NCAPG2: variants seen among roughly 807,000 people sequenced by gnomAD.
NCAPG2 encodes condensin-2 complex subunit G2.
A neutral mutation model predicts 141.1 loss-of-function variants in NCAPG2; 53 were observed. The observed-to-expected ratio is 0.38, with a 90% CI of 0.30 to 0.47. The LOEUF (loss-of-function observed/expected upper bound fraction) is 0.47. Ranked by LOEUF, NCAPG2 falls within the 20% of genes least tolerant of loss-of-function variation. NCAPG2 has a pLI of 0.99. For missense variants in NCAPG2, 1,087 were observed against 1,389.0 expected, an observed-to-expected ratio of 0.78 and a Z score of 3.46; for synonymous variants, 499 against 490.7, an observed-to-expected ratio of 1.02 and a Z score of -0.22.
chr7:158,695,979 G>T (rs1484953384), intron 2 of NCAPG2, among the ~76,000 whole-genome samples: 1 of 152,268 alleles, frequency 6.6e-6, no homozygotes, highest in Non-Finnish European at 1.5e-5. Context: ...CCAGCAAGGT[G>T]CCTTTTTGTA....
chr7:158,671,389 A>G, intron 13 of NCAPG2, 125 bp downstream of exon 13: 4 of 1,169,554 alleles, frequency 3.4e-6, no homozygotes, highest in Non-Finnish European at 4.9e-6. Context: ...CATTTTTGAC[A>G]GAGATAACTG....
At chr7:158,634,998 T>C (rs973116454) in intron 27 of NCAPG2, among the ~76,000 whole-genome samples, 8 of 152,180 alleles carry the variant, frequency 5.3e-5, no homozygotes, top group African/African-American at 1.9e-4. Context: ...GTCTGTAAAA[T>C]GTGTCAAACA....
In NCAPG2 at chr7:158,690,691, T is replaced by C; in HGVS notation, c.414A>G (p.Arg138=). The change falls in exon 5 of 28, where the codon CGA becomes CGG. Residue 138 remains arginine (R), a synonymous_variant. Transcript: ENST00000356309. ...AATCCTGAATAGAACTCTGTAGTTT[T>C]CGTTCAGACTCAGGTAATGCATATA... ...GILYALPESE[R]KLQSSIQDLC... 1.2e-6 allele frequency: 2 copies of C among 1,614,158 alleles called. No individual in the cohort carries two copies. Among genetic ancestry groups the C allele is most frequent in the Non-Finnish European group, 1.7e-6 (2 of 1,179,984 alleles).
intron 15 of NCAPG2, 116 bp downstream of exon 15, chr7:158,664,068 G>A (rs1316841005): frequency 1.2e-6 from 1 of 809,556 alleles, no homozygotes; most frequent in Non-Finnish European, 2.0e-6. Context: ...AAAATAACTT[G>A]TTTAATTAAC....
At chr7:158,694,308 A>T (rs1835306622) in intron 2 of NCAPG2, among the ~76,000 whole-genome samples, 1 of 152,236 alleles carries the variant, frequency 6.6e-6, no homozygotes, top group Admixed American at 6.5e-5. Flanking sequence ...GAATAAACAT[A>T]GATGCAATAC....
intron 16 of NCAPG2, among the ~76,000 whole-genome samples, chr7:158,660,427 T>TG (rs1563525649): frequency 1.1e-5 from 1 of 94,462 alleles, no homozygotes; most frequent in Non-Finnish European, 2.3e-5. Flanking sequence ...TTTTTTTTTT[T>TG]TTAAAAGAGG....
chr7:158,646,610 T>G, intron 24 of NCAPG2, 47 bp from the exon 25 acceptor site: 1 of 1,317,572 alleles, frequency 7.6e-7, no homozygotes, highest in Non-Finnish European at 1.0e-6. Flanking sequence ...ACTAGGCTAC[T>G]TACTTGTAAA....
At chr7:158,634,696 T>C (rs1830078424) in intron 27 of NCAPG2, among the ~76,000 whole-genome samples, 1 of 152,156 alleles carries the variant, frequency 6.6e-6, no homozygotes, top group Admixed American at 6.5e-5. Flanking sequence ...ACCACTCAGA[T>C]GGGAAGGGCA....
chr7:158,679,532 C>T (rs942218598), intron 11 of NCAPG2, among the ~76,000 whole-genome samples: 3 of 152,148 alleles, frequency 2.0e-5, no homozygotes, highest in African/African-American at 7.2e-5. Context: ...ATCGCAATCA[C>T]ACTTACAGAG....
intron 27 of NCAPG2, chr7:158,641,685 A>G (rs1279124805): frequency 4.4e-6 from 2 of 456,604 alleles, no homozygotes; most frequent in Non-Finnish European, 7.8e-6. Context: ...ATCAGAGATA[A>G]AGAAGAGCAT....
chr7:158,636,884 C>G (rs1046053026), intron 27 of NCAPG2, among the ~76,000 whole-genome samples: 1 of 152,166 alleles, frequency 6.6e-6, no homozygotes, highest in Admixed American at 6.5e-5. Flanking sequence ...CTGTCATCCC[C>G]AAATCAGACC....
intron 13 of NCAPG2, chr7:158,667,062 G>A (rs1833018492): frequency 3.3e-6 from 3 of 914,648 alleles, no homozygotes; most frequent in Non-Finnish European, 3.9e-6. Context: ...TGGCCAGCCA[G>A]ACTGCCTCTT....
intron 1 of NCAPG2, among the ~76,000 whole-genome samples, chr7:158,703,994 G>A (rs886241410): frequency 6.6e-6 from 1 of 152,060 alleles, no homozygotes; most frequent in African/African-American, 2.4e-5. Flanking sequence ...GCCCAGGACA[G>A]AGGGGGTCGC....
intron 21 of NCAPG2, 167 bp from the exon 22 acceptor site, chr7:158,654,861 G>A: frequency 7.7e-7 from 1 of 1,302,920 alleles, no homozygotes; most frequent in Non-Finnish European, 1.0e-6. Context: ...TCTTGTTTTT[G>A]TAAGAAATCT....
chr7:158,667,180 G>A, intron 13 of NCAPG2: 2 of 985,396 alleles, frequency 2.0e-6, no homozygotes, highest in African/African-American at 3.5e-5. Context: ...CCTTGCACTT[G>A]CAAAGATAAG....
chr7:158,691,039 T>C (rs968497999), intron 4 of NCAPG2, among the ~76,000 whole-genome samples: 2 of 152,134 alleles, frequency 1.3e-5, no homozygotes, highest in Non-Finnish European at 2.9e-5. Context: ...CAAACCTCAG[T>C]GTAACAACAC....
intron 27 of NCAPG2, among the ~76,000 whole-genome samples, chr7:158,635,160 C>T (rs1300660904): frequency 3.3e-5 from 5 of 152,042 alleles, no homozygotes. Context: ...GGTGGTTTTA[C>T]ACATGAATAC....
chr7:158,652,186 G>A (rs1246600840), intron 23 of NCAPG2, 107 bp downstream of exon 23: 25 of 1,142,096 alleles, frequency 2.2e-5, no homozygotes, highest in South Asian at 1.1e-4. Context: ...ACAACACTGC[G>A]TGTCACCCGA....
At position 158,633,394 on chromosome 7, in the gene NCAPG2, C is replaced by G. The variant is rs1438503278; in HGVS notation, c.3381-1677G>C. The stretch of plus-strand genomic sequence containing the variant: ...GACTCTTCTTCAAAGACTCTTATTA[C>G]TCACCCACCACTATCACTCTGGAAG... On this transcript the variant is annotated intron_variant, in intron 27 of 27. Transcript: ENST00000356309. The surrounding 1 kb of genome is among the most constrained non-coding windows in gnomAD (Gnocchi z 4.1). Among the ~76,000 whole-genome samples the G allele has an allele frequency of 6.6e-6, 1 of 152,228 alleles. No homozygotes were observed. The highest frequency in any genetic ancestry group is 2.4e-5 in the African/African-American group (1 of 41,470).
Sources: allele counts gnomAD v4.1 joint callset (sites outside exome capture counted in the v4.1 genomes callset), GRCh38; gene constraint gnomAD v4.1.1; non-coding constraint Gnocchi (gnomAD v3.1); transcripts MANE v1.5; gene names NCBI Gene and HGNC (gene_info 2026-07-23, HGNC 2026-07-21).